The following CPED1 variants were observed in gnomAD, a reference collection of about 807,000 sequenced individuals.
CPED1 encodes cadherin like and PC-esterase domain containing 1, also known as cadherin-like and PC-esterase domain-containing protein 1.
In CPED1, 114 loss-of-function variants were observed where a neutral mutation model predicts 128.2. The observed-to-expected ratio is 0.89, with a 90% CI of 0.76 to 1.04. The LOEUF is 1.04. Ranked by LOEUF, CPED1 falls within the 50% of genes least tolerant of loss-of-function variation. The pLI is 0.00. For missense variants in CPED1, 1,211 were observed against 1,207.1 expected (o/e 1.00, Z -0.05); for synonymous variants, 462 against 426.7 (o/e 1.08, Z -1.02).
chr7:121,240,774 A>AAAAATAAAAAT (rs1398222737), intron 17 of CPED1, among the ~76,000 whole-genome samples: 2 of 150,608 alleles, frequency 1.3e-5, no homozygotes, highest in African/African-American at 4.9e-5. Flanking sequence ...TTAAAAAAAA[A>AAAAATAAAAAT]AAAAAAGTGA....
At chr7:121,294,491 G>T (rs571576220) in intron 22 of CPED1, among the ~76,000 whole-genome samples, 2 of 152,176 alleles carry the variant, frequency 1.3e-5, no homozygotes, top group South Asian at 2.1e-4. Context: ...ACATTTAAAA[G>T]GGACTTACAA....
chr7:121,031,507 C>T (rs917867596), intron 3 of CPED1, among the ~76,000 whole-genome samples: 9 of 152,014 alleles, frequency 5.9e-5, no homozygotes, highest in South Asian at 4.1e-4. Context: ...AGGCTGGTCT[C>T]GAACTCTTAA....
Position 121,296,517 on chromosome 7 carries a change from T to C in CPED1, c.*865T>C, listed in dbSNP as rs1361417028. ...AACTTAAAATTACAATTATATTTTA[T>C]GTAAATATTTTGCAAAGGACTATGC... On this transcript the variant is annotated 3_prime_UTR_variant, in exon 23 of 23. Coordinates refer to ENST00000310396, the MANE Select transcript of CPED1 (RefSeq NM_024913.5). 1 of 152,162 alleles carries C rather than the reference T, an allele frequency of 6.6e-6. No homozygotes were observed. The highest frequency in any genetic ancestry group is 1.5e-5 in the Non-Finnish European group (1 of 67,976). The allele number at this position is 152,162 out of a possible 1,614,324, so 9.4% of individuals were successfully genotyped here. A position where few individuals can be genotyped will look rare whatever the true frequency, so the allele number is the denominator to read the frequency against.
At chr7:121,182,334 C>T (rs1796917127) in intron 16 of CPED1, among the ~76,000 whole-genome samples, 1 of 151,482 alleles carries the variant, frequency 6.6e-6, no homozygotes, top group African/African-American at 2.4e-5. Flanking sequence ...CAGACTAGCT[C>T]TTAGCAAAAT....
chr7:121,159,138 G>T (rs925629609), intron 16 of CPED1, among the ~76,000 whole-genome samples: 1 of 152,034 alleles, frequency 6.6e-6, no homozygotes, highest in African/African-American at 2.4e-5. Context: ...AATGCCCCTA[G>T]TGAGTATGTT....
chr7:121,244,321 T>C lies in CPED1; in HGVS notation c.2293T>C (p.Cys765Arg). 1 of 1,614,080 alleles carries C rather than the reference T, an allele frequency of 6.2e-7. No individual in the cohort carries two copies. The highest frequency in any genetic ancestry group is 8.5e-7 in the Non-Finnish European group (1 of 1,179,970). The part of the protein sequence containing the change: ...GVLTKPQLQQ[C>R]LGGRKILFIG... Reference sequence around the variant, plus strand: ...CCTAACTAAGCCTCAACTCCAGCAGTGCCTGGGAGGAAGGAAGGTAGGTTC... The same window carrying C: ...CCTAACTAAGCCTCAACTCCAGCAGCGCCTGGGAGGAAGGAAGGTAGGTTC... Residue 765 changes from cysteine (C) to arginine (R), a missense_variant, in exon 18 of 23, where the codon TGC becomes CGC. Coordinates refer to ENST00000310396, the MANE Select transcript of CPED1 (RefSeq NM_024913.5).
chr7:121,129,332 T>C lies in CPED1; in HGVS notation c.1408-793T>C, dbSNP rs955864880. Among the ~76,000 whole-genome samples the C allele has an allele frequency of 2.0e-4, 12 of 60,144 alleles. 1 individual carries two copies. Among genetic ancestry groups the C allele is most frequent in the African/African-American group, 5.3e-4 (11 of 20,896 alleles). 39.5% of individuals were successfully genotyped at this position (60,144 alleles called of 152,430 possible). A position where few individuals can be genotyped will look rare whatever the true frequency, so the allele number is the denominator to read the frequency against. ...ATATACGTATATATATATATATATA[T>C]ATACGTATATATATATATACATACA... On this transcript the variant is annotated intron_variant, in intron 11 of 22. Transcript: ENST00000310396.
chr7:120,996,298 AG>A (rs1361051847), intron 2 of CPED1, among the ~76,000 whole-genome samples: 3 of 152,070 alleles, frequency 2.0e-5, no homozygotes, highest in African/African-American at 7.3e-5. Context: ...AAAAAAGAAA[AG>A]GGAATTATCC....
intron 5 of CPED1, among the ~76,000 whole-genome samples, chr7:121,072,215 GCA>G (rs1354507722): frequency 6.8e-6 from 1 of 147,142 alleles, no homozygotes; most frequent in African/African-American, 2.5e-5. Context: ...GGAGTAAATT[GCA>G]CAGTGTGCTG....
At chr7:121,256,479 C>A (rs1791880803) in intron 18 of CPED1, among the ~76,000 whole-genome samples, 1 of 151,796 alleles carries the variant, frequency 6.6e-6, no homozygotes, top group South Asian at 2.1e-4. Flanking sequence ...TATAAAAATC[C>A]TAAAAGAAAA....
At chr7:121,140,738 A>G in intron 14 of CPED1, 89 bp from the exon 15 acceptor site, 1 of 917,662 alleles carries the variant, frequency 1.1e-6, no homozygotes, top group South Asian at 1.6e-5. Context: ...TTCAAAGGAA[A>G]CAGAAAAAGA....
intron 16 of CPED1, 108 bp downstream of exon 16, chr7:121,142,249 G>A (rs1008925549): frequency 2.0e-6 from 2 of 999,362 alleles, no homozygotes; most frequent in African/African-American, 3.2e-5. Flanking sequence ...CCTTGAAATC[G>A]AAACTGTGGT....
At chr7:121,058,517 T>A (rs1793562484) in intron 4 of CPED1, among the ~76,000 whole-genome samples, 1 of 152,196 alleles carries the variant, frequency 6.6e-6, no homozygotes, top group South Asian at 2.1e-4. Flanking sequence ...AGTGCTTACA[T>A]GTTTATTTAT....
At chr7:121,019,447 G>A (rs1430497040) in intron 3 of CPED1, among the ~76,000 whole-genome samples, 5 of 151,978 alleles carry the variant, frequency 3.3e-5, no homozygotes, top group African/African-American at 4.8e-5. Flanking sequence ...AGCGACCCAG[G>A]ATTTTACATG....
intron 7 of CPED1, 77 bp downstream of exon 7, chr7:121,100,171 C>G (rs1917112): frequency 0.46 from 583,441 of 1,279,210 alleles, 139,792 homozygotes; most frequent in East Asian, 0.84. Flanking sequence ...GCCATTTTCC[C>G]ACCTTTATGG....
rs1362502196 is a variant in CPED1 at position 121,028,968 on chromosome 7, A to G, written c.433+13120A>G. ...GCTATTAGTTTAATAGCTAATAATA[A>G]TAAACCATTTTTAGCTTTATTATTA... On this transcript the variant is annotated intron_variant, in intron 3 of 22. Coordinates refer to ENST00000310396, the MANE Select transcript of CPED1 (RefSeq NM_024913.5). 3.3e-5 allele frequency among the ~76,000 whole-genome samples: 5 copies of G among 152,244 alleles called. No homozygotes were observed. In the East Asian group the frequency reaches 9.7e-4, roughly 29 times the overall value.
chr7:121,244,351 T>A lies in CPED1; in HGVS notation c.2310+13T>A. ...GGGAGGAAGGAAGGTAGGTTCTGGA[T>A]CTAGTGGGGGAAGCCTTTAATGTAT... On this transcript the variant is annotated intron_variant, in intron 18 of 22. Coordinates refer to ENST00000310396, the MANE Select transcript of CPED1 (RefSeq NM_024913.5). 1.9e-6 allele frequency: 3 copies of A among 1,613,926 alleles called. No individual in the cohort carries two copies. The highest frequency in any genetic ancestry group is 2.5e-6 in the Non-Finnish European group (3 of 1,179,936).
chr7:121,219,610 A>G (rs972124811), intron 16 of CPED1, among the ~76,000 whole-genome samples: 2 of 152,040 alleles, frequency 1.3e-5, no homozygotes, highest in African/African-American at 4.8e-5. Flanking sequence ...CTTTCACAGT[A>G]TAATGAATAG....
intron 5 of CPED1, among the ~76,000 whole-genome samples, chr7:121,071,930 C>A (rs558918099): frequency 6.6e-6 from 1 of 152,212 alleles, no homozygotes; most frequent in Non-Finnish European, 1.5e-5. Flanking sequence ...TCAAACTTAC[C>A]ACTTTATAAT....
Sources: allele counts gnomAD v4.1 joint callset (sites outside exome capture counted in the v4.1 genomes callset), GRCh38; gene constraint gnomAD v4.1.1; transcripts MANE v1.5; gene names NCBI Gene and HGNC (gene_info 2026-07-23, HGNC 2026-07-21).